Variants in TTC39C observed in about 807,000 individuals in gnomAD.
The protein encoded by TTC39C is tetratricopeptide repeat protein 39C.
In TTC39C, 33 loss-of-function variants were observed where a neutral mutation model predicts 76.3. The ratio of observed to expected loss-of-function variants is 0.43; its 90% confidence interval spans 0.33 to 0.58. The LOEUF is 0.58. Ranked by LOEUF, TTC39C falls within the 20% of genes least tolerant of loss-of-function variation. The pLI, the probability that TTC39C is intolerant of heterozygous loss-of-function variation, is 0.04. For missense variants in TTC39C, 595 were observed against 701.4 expected (o/e 0.85, Z 1.71); for synonymous variants, 254 against 260.6 (o/e 0.97, Z 0.24).
chr18:23,998,057 A>G (rs2083283531), intron 1 of TTC39C, among the ~76,000 whole-genome samples: 1 of 152,148 alleles, frequency 6.6e-6, no homozygotes, highest in Non-Finnish European at 1.5e-5. Context: ...ATCAATAAAG[A>G]TAACTAACAT....
Position 24,082,935 on chromosome 18 carries a change from A to G in TTC39C, c.838A>G (p.Thr280Ala). 1 of 1,613,694 alleles carries G rather than the reference A, an allele frequency of 6.2e-7. No individual in the cohort carries two copies. Among genetic ancestry groups the G allele is most frequent in the Non-Finnish European group, 8.5e-7 (1 of 1,179,762 alleles). Residue 280 changes from threonine to alanine, a missense_variant, in exon 6 of 14, where the codon ACT (threonine) becomes GCT (alanine). Coordinates refer to ENST00000317571, the MANE Select transcript of TTC39C (RefSeq NM_001135993.2). Reference protein sequence around the residue: ...LATLALLWYHTVVRPFFALDG... With the variant: ...LATLALLWYHAVVRPFFALDG... Reference sequence around the variant, plus strand: ...TAGATTAGCTCTGCTCTGGTATCATACTGTAGTCCGCCCGTTTTTTGCCTT... The same window carrying G: ...TAGATTAGCTCTGCTCTGGTATCATGCTGTAGTCCGCCCGTTTTTTGCCTT...
chr18:24,130,787 G>A (rs779491350), intron 12 of TTC39C, among the ~76,000 whole-genome samples: 1 of 151,906 alleles, frequency 6.6e-6, no homozygotes, highest in Non-Finnish European at 1.5e-5. Context: ...CTATAATTGT[G>A]TACAGCATGT....
intron 1 of TTC39C, chr18:24,020,078 A>T: frequency 7.4e-7 from 1 of 1,347,778 alleles, no homozygotes; most frequent in Non-Finnish European, 9.5e-7. Flanking sequence ...CCTGGAGACG[A>T]TAGGAGAGTC....
intron 1 of TTC39C, among the ~76,000 whole-genome samples, chr18:23,999,438 G>A (rs1203505340): frequency 1.3e-5 from 2 of 152,204 alleles, no homozygotes; most frequent in African/African-American, 4.8e-5. Flanking sequence ...GGAAGAGAGA[G>A]GAGCTTATCT....
rs371491586 is a variant in TTC39C at position 24,047,908 on chromosome 18, T to C, written c.168-16232T>C. Among the ~76,000 whole-genome samples the C allele has an allele frequency of 8.5e-5, 13 of 152,310 alleles. No homozygotes were observed. The East Asian group carries it at 2.1e-3, about 25-fold the overall frequency. ...TATGCCTGTATCGAAACATTTTGTG[T>C]GCCCCATAAATATATACACCTATGT... On this transcript the variant is annotated intron_variant, in intron 1 of 13. Transcript: ENST00000317571.
At chr18:24,090,751 G>T (rs992819585) in intron 6 of TTC39C, among the ~76,000 whole-genome samples, 3 of 150,808 alleles carry the variant, frequency 2.0e-5, no homozygotes, top group Admixed American at 2.0e-4. Context: ...TAGACATATG[G>T]ATCAGTGAGA....
rs540760634 is a variant in TTC39C at position 24,121,377 on chromosome 18, A to C, written c.1187-2457A>C. ...CACCTGAGGTCGGGAGTTCGAGACC[A>C]GCCCGACCAACAACCAACATGGAGA... is the stretch of plus-strand genomic sequence containing the variant. On this transcript the variant is annotated intron_variant, in intron 8 of 13. Transcript: ENST00000317571. 3.3e-5 allele frequency among the ~76,000 whole-genome samples: 5 copies of C among 152,208 alleles called. No homozygotes were observed. In the South Asian group the frequency reaches 1.0e-3, roughly 32 times the overall value.
chr18:24,095,043 G>C lies in TTC39C; in HGVS notation c.984+11962G>C, dbSNP rs1478474952. On this transcript the variant is annotated intron_variant, in intron 6 of 13. Transcript: ENST00000317571. The stretch of plus-strand genomic sequence containing the variant: ...GTCTCCACTGAAAGTCTGTTGTTTA[G>C]TATAGCCTCCTTCATCAATGATCTT... Among the ~76,000 whole-genome samples, 3 of 152,206 alleles carry C rather than the reference G, an allele frequency of 2.0e-5. No individual in the cohort carries two copies. The East Asian group carries it at 5.8e-4, about 29-fold the overall frequency.
At chr18:24,035,092 G>T (rs537607782) in intron 1 of TTC39C, among the ~76,000 whole-genome samples, 1 of 151,374 alleles carries the variant, frequency 6.6e-6, no homozygotes, top group Non-Finnish European at 1.5e-5. Flanking sequence ...CTAGGCTTAC[G>T]TACAGTGGTG....
chr18:24,082,018 T>G (rs1033954168), intron 5 of TTC39C, among the ~76,000 whole-genome samples: 30 of 143,232 alleles, frequency 2.1e-4, no homozygotes, highest in East Asian at 1.2e-3. Context: ...GGCTGTTGTT[T>G]TTTTTTTTTT....
At chr18:24,047,756 A>G (rs900617661) in intron 1 of TTC39C, among the ~76,000 whole-genome samples, 4 of 152,242 alleles carry the variant, frequency 2.6e-5, no homozygotes, top group Non-Finnish European at 4.4e-5. Flanking sequence ...TGAAGAAGGA[A>G]GTATCTCTTA....
intron 8 of TTC39C, among the ~76,000 whole-genome samples, chr18:24,122,812 C>T (rs192450891): frequency 1.3e-3 from 191 of 152,268 alleles, no homozygotes; most frequent in African/African-American, 4.3e-3. Flanking sequence ...AGACTCCGCT[C>T]GACTTCTCCT....
chr18:24,099,648 G>A (rs546442574), intron 6 of TTC39C, among the ~76,000 whole-genome samples: 11 of 151,912 alleles, frequency 7.2e-5, no homozygotes, highest in African/African-American at 1.7e-4. Flanking sequence ...GGCTAAAAGC[G>A]TATCTTTTTT....
chr18:24,122,206 T>G (rs577179288), intron 8 of TTC39C, among the ~76,000 whole-genome samples: 2 of 152,020 alleles, frequency 1.3e-5, no homozygotes, highest in South Asian at 4.2e-4. Context: ...CAACCTACTT[T>G]TAGGGGTGCT....
intron 8 of TTC39C, among the ~76,000 whole-genome samples, chr18:24,119,877 CGATGGT>C (rs1360152331): frequency 2.0e-5 from 3 of 152,022 alleles, no homozygotes; most frequent in Non-Finnish European, 4.4e-5. Context: ...GCCGCACAGT[CGATGGT>C]GGACAGCTAT....
chr18:24,086,459 A>G (rs2084440305), intron 6 of TTC39C, among the ~76,000 whole-genome samples: 1 of 152,124 alleles, frequency 6.6e-6, no homozygotes, highest in African/African-American at 2.4e-5. Flanking sequence ...GACTCTGTAG[A>G]GTGAATATAG....
At chr18:24,019,981 C>T (rs2083500130) in intron 1 of TTC39C, 1 of 1,460,830 alleles carries the variant, frequency 6.8e-7, no homozygotes, top group Non-Finnish European at 8.9e-7. Context: ...ATGTCAGATT[C>T]TTGGGAGGAC....
intron 1 of TTC39C, among the ~76,000 whole-genome samples, chr18:24,042,448 A>G (rs544494277): frequency 6.6e-6 from 1 of 152,296 alleles, no homozygotes; most frequent in African/African-American, 2.4e-5. Flanking sequence ...GGAGAATCTA[A>G]TACTGCTGCT....
rs549529218 is a variant in TTC39C, at chr18:24,032,156, G to C, written c.167+17118G>C. ...CCTCCCCAGGGAGTGTGGCCCTGCCGATACCTCGATTTCAGCCCAGTGACA... is the reference window on the plus strand; with the variant it reads ...CCTCCCCAGGGAGTGTGGCCCTGCCCATACCTCGATTTCAGCCCAGTGACA... On this transcript the variant is annotated intron_variant, in intron 1 of 13. Coordinates refer to ENST00000317571, the MANE Select transcript of TTC39C (RefSeq NM_001135993.2). Among the ~76,000 whole-genome samples, 11 of 152,308 alleles carry C rather than the reference G, an allele frequency of 7.2e-5. No individual in the cohort carries two copies. In the South Asian group the frequency reaches 2.3e-3, roughly 32 times the overall value.
Sources: allele counts gnomAD v4.1 joint callset (sites outside exome capture counted in the v4.1 genomes callset), GRCh38; gene constraint gnomAD v4.1.1; transcripts MANE v1.5; gene names NCBI Gene and HGNC (gene_info 2026-07-23, HGNC 2026-07-21).